The following TENM3 variants were observed in gnomAD, a reference collection of about 807,000 sequenced individuals.
TENM3 encodes teneurin-3.
Under a neutral mutation model 255.1 loss-of-function variants are expected in TENM3, and 63 were observed. The observed-to-expected ratio is 0.25, with a 90% confidence interval of 0.20 to 0.30. The LOEUF is 0.30. Among genes scored for constraint, TENM3 ranks in the 10% least tolerant of loss-of-function variants. The pLI, the probability that TENM3 is intolerant of heterozygous loss-of-function variation, is 1.00. For synonymous variants in TENM3, 1,306 were observed against 1,322.3 expected (o/e 0.99, Z 0.27); for missense variants, 2,929 against 3,461.1 (o/e 0.85, Z 3.86).
At chr4:182,498,163 G>A (rs1335006930) in intron 3 of TENM3, among the ~76,000 whole-genome samples, 1 of 151,966 alleles carries the variant, frequency 6.6e-6, no homozygotes. Flanking sequence ...AAGAGTTGAC[G>A]TTCTCAGTCC....
chr4:182,587,046 TATTATA>T (rs1746091594), intron 3 of TENM3, among the ~76,000 whole-genome samples: 1 of 152,156 alleles, frequency 6.6e-6, no homozygotes, highest in Non-Finnish European at 1.5e-5. Flanking sequence ...TTTTAAAATG[TATTATA>T]ATTGTCTTCA....
At chr4:181,522,243 A>G in the TENM3 span, among the ~76,000 whole-genome samples, 1 of 152,128 alleles carries the variant, frequency 6.6e-6, no homozygotes, top group Non-Finnish European at 1.5e-5. Context: ...TTTCACATCA[A>G]TGAGAAGATC....
chr4:182,471,736 T>C (rs181519421), intron 3 of TENM3, among the ~76,000 whole-genome samples: 1 of 152,196 alleles, frequency 6.6e-6, no homozygotes, highest in African/African-American at 2.4e-5. Context: ...AATAGTGTAC[T>C]TAAGAAATAA....
At chr4:182,340,011 A>G (rs1764385855) in intron 2 of TENM3, among the ~76,000 whole-genome samples, 1 of 152,216 alleles carries the variant, frequency 6.6e-6, no homozygotes, top group South Asian at 2.1e-4. Context: ...GACCTAAGAC[A>G]TGCTCTTTCT....
At chr4:182,778,506 C>A (rs939317887) in intron 24 of TENM3, among the ~76,000 whole-genome samples, 1 of 152,136 alleles carries the variant, frequency 6.6e-6, no homozygotes, top group South Asian at 2.1e-4. Context: ...CTACCAGGGA[C>A]AAAAGAGAGT....
chr4:182,504,268 C>T (rs1275757066), intron 3 of TENM3, among the ~76,000 whole-genome samples: 2 of 151,760 alleles, frequency 1.3e-5, no homozygotes, highest in African/African-American at 4.8e-5. Context: ...TATACCTTCA[C>T]TATTATTAAA....
intron 16 of TENM3, among the ~76,000 whole-genome samples, chr4:182,735,729 A>G (rs768562828): frequency 6.6e-6 from 1 of 152,248 alleles, no homozygotes; most frequent in Non-Finnish European, 1.5e-5. Flanking sequence ...TAGAAAGCCT[A>G]TGAAGAGCTG....
the TENM3 span, among the ~76,000 whole-genome samples, chr4:182,098,492 A>G: frequency 2.0e-5 from 3 of 152,250 alleles, no homozygotes; most frequent in African/African-American, 7.2e-5. Context: ...ACAATGGAGT[A>G]CTATTCAGCC....
the TENM3 span, among the ~76,000 whole-genome samples, chr4:181,847,512 G>T: frequency 2.0e-5 from 3 of 151,884 alleles, no homozygotes; most frequent in Non-Finnish European, 4.4e-5. Context: ...AACGAAAATT[G>T]TTGCATTTAC....
chr4:182,601,928 CT>C (rs1343953719), intron 4 of TENM3, among the ~76,000 whole-genome samples: 1 of 152,236 alleles, frequency 6.6e-6, no homozygotes, highest in Non-Finnish European at 1.5e-5. Flanking sequence ...TGGTCCTTCT[CT>C]GTACACATAG....
chr4:182,504,894 C>A (rs1298037796), intron 3 of TENM3, among the ~76,000 whole-genome samples: 1 of 152,166 alleles, frequency 6.6e-6, no homozygotes, highest in East Asian at 1.9e-4. Flanking sequence ...CAGCCCAGGT[C>A]ATAATACAAC....
the TENM3 span, among the ~76,000 whole-genome samples, chr4:181,784,981 A>G: frequency 6.6e-6 from 1 of 152,184 alleles, no homozygotes; most frequent in African/African-American, 2.4e-5. Context: ...GATTTAAGAA[A>G]AATACAACTA....
chr4:182,051,544 A>AT, the TENM3 span, among the ~76,000 whole-genome samples: 1 of 151,600 alleles, frequency 6.6e-6, no homozygotes, highest in Non-Finnish European at 1.5e-5. Context: ...CGCTCGGCTA[A>AT]TTTTTTGTAT....
intron 24 of TENM3, among the ~76,000 whole-genome samples, chr4:182,781,601 G>A (rs1370437754): frequency 8.6e-5 from 13 of 151,728 alleles, no homozygotes; most frequent in Non-Finnish European, 1.2e-4. Context: ...CTCTTTTTCT[G>A]TTGATTGGAA....
At chr4:181,941,634 A>G in the TENM3 span, among the ~76,000 whole-genome samples, 1 of 152,178 alleles carries the variant, frequency 6.6e-6, no homozygotes, top group Admixed American at 6.5e-5. Context: ...CAATGACTTC[A>G]GATGCTAATT....
the TENM3 span, among the ~76,000 whole-genome samples, chr4:181,449,879 A>C: frequency 6.6e-6 from 1 of 152,218 alleles, no homozygotes; most frequent in African/African-American, 2.4e-5. Flanking sequence ...ATCAGTCTTC[A>C]TATTCTTTCA....
intron 12 of TENM3, among the ~76,000 whole-genome samples, chr4:182,690,559 G>C (rs1328462680): frequency 3.3e-5 from 5 of 152,152 alleles, no homozygotes; most frequent in African/African-American, 9.7e-5. Flanking sequence ...GTTGAGTCTA[G>C]CTGAGGGAGA....
the TENM3 span, among the ~76,000 whole-genome samples, chr4:181,751,887 G>T: frequency 3.3e-5 from 5 of 152,096 alleles, no homozygotes; most frequent in South Asian, 2.1e-4. Context: ...AGAAAAGAAG[G>T]CACAGAGCCA....
chr4:182,736,707 G>A (rs1761198194), intron 16 of TENM3, 101 bp from the exon 17 acceptor site: 1 of 1,116,676 alleles, frequency 9.0e-7, no homozygotes, highest in Admixed American at 2.8e-5. Flanking sequence ...GACACAGAGA[G>A]TCACTATTCA....
Sources: gnomAD v4.1 joint callset for allele counts (sites outside exome capture counted in the v4.1 genomes callset) on GRCh38, gnomAD v4.1.1 for gene constraint, MANE v1.5 for transcripts, NCBI Gene and HGNC (gene_info 2026-07-23, HGNC 2026-07-21) for gene names.